GRIK5: variants seen among roughly 807,000 people sequenced by gnomAD.
GRIK5 encodes glutamate ionotropic receptor kainate type subunit 5.
GRIK5 carries 43 observed loss-of-function variants against 97.4 expected under a neutral mutation model. The observed-to-expected ratio is 0.44, with a 90% confidence interval of 0.35 to 0.57. The LOEUF (loss-of-function observed/expected upper bound fraction) is 0.57, where lower values mean the gene tolerates loss of function less well. Ranked by LOEUF, GRIK5 falls within the 20% of genes least tolerant of loss-of-function variation. The probability of loss-of-function intolerance (pLI) is 0.01; values close to 1 mark genes in which losing one functional copy is unlikely to be tolerated. For synonymous variants in GRIK5, 580 were observed against 583.5 expected (o/e 0.99, Z 0.09); for missense variants, 1,015 against 1,382.0 (o/e 0.73, Z 4.21).
rs545562762 is a variant in GRIK5 at position 42,030,175 on chromosome 19, T to A, written c.1474-7821A>T. On this transcript the variant is annotated intron_variant, in intron 12 of 19. Coordinates refer to ENST00000593562, the MANE Select transcript of GRIK5 (RefSeq NM_002088.5). ...TCAAGTAAATGGAGCTGGGTTTTGTTTTGTTTTTATTTTTGTTTTTGTTTT... is the reference window on the plus strand; with the variant it reads ...TCAAGTAAATGGAGCTGGGTTTTGTATTGTTTTTATTTTTGTTTTTGTTTT... Among the ~76,000 whole-genome samples the A allele has an allele frequency of 2.0e-5, 3 of 152,262 alleles. No homozygotes were observed. In the East Asian group the frequency reaches 5.8e-4, roughly 29 times the overall value.
At position 42,003,627 on chromosome 19, in the gene GRIK5, G is replaced by A. The variant is rs1371901799; in HGVS notation, c.2320C>T (p.Arg774Trp). 4 of 1,613,624 alleles carry A rather than the reference G, an allele frequency of 2.5e-6. No individual in the cohort carries two copies. Among genetic ancestry groups the A allele is most frequent in the Non-Finnish European group, 2.5e-6 (3 of 1,179,834 alleles). The change falls in exon 18 of 20, where the codon CGG becomes TGG. Residue 774 changes from arginine (R) to tryptophan (W), a missense_variant. Physicochemically the swap from Arg to Trp is moderately radical, Grantham distance 101. Transcript: ENST00000593562. The surrounding 1 kb of genome is among the most constrained non-coding windows in gnomAD (Gnocchi z 4.2). ...CACTTGCGCTTCAGGATCTCCAGCC[G>A]GTTGTTCTCCTGAAGCTGCAGGATG... ...LAILQLQENN[R>W]LEILKRKWWE... is the part of the protein sequence containing the mutation.
At chr19:42,053,025 C>A (rs1039914933) in intron 11 of GRIK5, among the ~76,000 whole-genome samples, 9 of 152,200 alleles carry the variant, frequency 5.9e-5, no homozygotes, top group African/African-American at 2.2e-4. Context: ...AAATACTTGA[C>A]ATACAAAGGC....
intron 11 of GRIK5, among the ~76,000 whole-genome samples, chr19:42,048,815 G>A (rs2146125627): frequency 6.6e-6 from 1 of 152,146 alleles, no homozygotes; most frequent in African/African-American, 2.4e-5. Context: ...AAGGTGGGTG[G>A]ATCCCTTGAG....
chr19:42,024,023 C>CTTTCCT, intron 12 of GRIK5, among the ~76,000 whole-genome samples: 1 of 152,304 alleles, frequency 6.6e-6, no homozygotes, highest in Non-Finnish European at 1.5e-5. Flanking sequence ...TGTGCTCCAG[C>CTTTCCT]CATGATGGCC....
In GRIK5 at chr19:42,022,375, C is replaced by A. The variant is rs776083078; in HGVS notation, c.1474-21G>T. The A allele has an allele frequency of 6.6e-5, 105 of 1,598,662 alleles. No homozygotes were observed. The highest frequency in any genetic ancestry group is 8.7e-5 in the Non-Finnish European group (102 of 1,168,002). The stretch of plus-strand genomic sequence containing the variant: ...GCCTTCTGCTGGAGGGGAAGCCGGG[C>A]AGGGGTGGAGGGGGACAGAGGGGAA... On this transcript the variant is annotated intron_variant, in intron 12 of 19. Coordinates refer to ENST00000593562, the MANE Select transcript of GRIK5 (RefSeq NM_002088.5). This position sits in a 1 kb window ranked among gnomAD's most constrained non-coding sequence, Gnocchi z 4.2.
At chr19:42,057,824 A>C (rs1392736738) in intron 6 of GRIK5, among the ~76,000 whole-genome samples, 1 of 152,256 alleles carries the variant, frequency 6.6e-6, no homozygotes, top group Non-Finnish European at 1.5e-5. Flanking sequence ...GTCAAGATTC[A>C]TTCTTGAGAC....
Position 42,003,305 on chromosome 19 carries a change from G to GGGCCCCCCCCCC in GRIK5, c.2514+26_2514+27insGGGGGGGGGGCC. ...TCAGCCCCTGGGGGTCCCTGTTCCT[G>GGGCCCCCCCCCC]CCCACCCCCACCCCCAGCCTCCTCA... On this transcript the variant is annotated intron_variant, in intron 19 of 19. Coordinates refer to ENST00000593562, the MANE Select transcript of GRIK5 (RefSeq NM_002088.5). This position sits in a 1 kb window ranked among gnomAD's most constrained non-coding sequence, Gnocchi z 4.2. 13 of 1,540,726 alleles carry GGGCCCCCCCCCC rather than the reference G, an allele frequency of 8.4e-6. No homozygotes were observed. Among genetic ancestry groups the GGGCCCCCCCCCC allele is most frequent in the Non-Finnish European group, 1.1e-5 (12 of 1,118,188 alleles).
chr19:42,050,531 G>A (rs535292952), intron 11 of GRIK5, among the ~76,000 whole-genome samples: 24 of 151,906 alleles, frequency 1.6e-4, no homozygotes, highest in African/African-American at 5.6e-4. Flanking sequence ...GGTGACGGGC[G>A]CCTGTAGTCC....
In GRIK5 at chr19:42,022,094, G is replaced by T; in HGVS notation, c.1588-38C>A. ...GGAGTGAGACCCGGAGACACCCCTG[G>T]CCTGAGCCTCACACCCAGCCCCTGC... On this transcript the variant is annotated intron_variant, in intron 13 of 19. Coordinates refer to ENST00000593562, the MANE Select transcript of GRIK5 (RefSeq NM_002088.5). The surrounding 1 kb of genome is among the most constrained non-coding windows in gnomAD (Gnocchi z 4.2). 2.7e-6 allele frequency: 4 copies of T among 1,504,718 alleles called. No individual in the cohort carries two copies. Among genetic ancestry groups the T allele is most frequent in the Non-Finnish European group, 3.7e-6 (4 of 1,088,430 alleles). 93.2% of individuals were successfully genotyped at this position (1,504,718 alleles called of 1,614,324 possible). A position where few individuals can be genotyped will look rare whatever the true frequency, so the allele number is the denominator to read the frequency against.
At chr19:42,043,033 C>T (rs1599810966) in intron 11 of GRIK5, 1 of 507,774 alleles carries the variant, frequency 2.0e-6, no homozygotes, top group East Asian at 3.4e-5. Flanking sequence ...AGCTCAAATG[C>T]GTATGAGGGA....
chr19:42,061,290 CGCCTCGGCCTCCCAAAGTGCTGGG>C (rs2076256272), intron 5 of GRIK5, among the ~76,000 whole-genome samples: 4 of 152,178 alleles, frequency 2.6e-5, no homozygotes, highest in Admixed American at 2.0e-4. Flanking sequence ...ATGATTCGCC[CGCCTCGGCCTCCCAAAGTGCTGGG>C]ATTACAGGCG....
At position 41,999,293 on chromosome 19, in the gene GRIK5, C is replaced by A. The variant is rs963139581; in HGVS notation, c.2521G>T (p.Val841Leu). ...RRSAESEEVS[V>L]CQEMLQELRH... is the part of the protein sequence containing the mutation. ...AGCTCCTGCAGCATCTCCTGGCACA[C>A]CGACACCTGGGGGTGGCGCGGGCGG... The change falls in exon 20 of 20, where the codon GTG becomes TTG. Residue 841 changes from valine to leucine, a missense_variant. Val to Leu is a conservative substitution (Grantham distance 32, BLOSUM62 1). Transcript: ENST00000593562. This position sits in a 1 kb window ranked among gnomAD's most constrained non-coding sequence, Gnocchi z 5.0. 1 of 1,518,086 alleles carries A rather than the reference C, an allele frequency of 6.6e-7. No homozygotes were observed. The highest frequency in any genetic ancestry group is 8.8e-7 in the Non-Finnish European group (1 of 1,139,878). 94.0% of individuals were successfully genotyped at this position (1,518,086 alleles called of 1,614,324 possible).
chr19:42,003,275 G>C lies in GRIK5; in HGVS notation c.2514+57C>G. On this transcript the variant is annotated intron_variant, in intron 19 of 19. Coordinates refer to ENST00000593562, the MANE Select transcript of GRIK5 (RefSeq NM_002088.5). This position sits in a 1 kb window ranked among gnomAD's most constrained non-coding sequence, Gnocchi z 4.2. Reference sequence around the variant, plus strand: ...TGGCTCCCAATGCCACAATCTTCACGCACCTCAGCCCCTGGGGGTCCCTGT... The same window carrying C: ...TGGCTCCCAATGCCACAATCTTCACCCACCTCAGCCCCTGGGGGTCCCTGT... 1 of 1,535,168 alleles carries C rather than the reference G, an allele frequency of 6.5e-7. No homozygotes were observed. The highest frequency in any genetic ancestry group is 1.1e-5 in the South Asian group (1 of 87,068).
Position 42,062,470 on chromosome 19 carries a change from C to T in GRIK5, c.508+18G>A. The T allele has an allele frequency of 6.2e-7, 1 of 1,613,376 alleles. No individual in the cohort carries two copies. On this transcript the variant is annotated intron_variant, in intron 5 of 19. Transcript: ENST00000593562. The surrounding 1 kb of genome is among the most constrained non-coding windows in gnomAD (Gnocchi z 5.3). ...GTGTCTGGGGGAACAGAAAACAAAA[C>T]ATTCAGTTCTCCCTCACACTCAGCC...
Position 42,017,930 on chromosome 19 carries a change from G to T in GRIK5, c.1871+3371C>A, listed in dbSNP as rs1263004479. 5.3e-5 allele frequency among the ~76,000 whole-genome samples: 8 copies of T among 152,226 alleles called. No individual in the cohort carries two copies. In the East Asian group the frequency reaches 1.3e-3, roughly 26 times the overall value. ...TGAAAGCAGGAAGGGCTCAGAGAAT[G>T]GAAACAGGGAGGTCAGAGGACTCAT... On this transcript the variant is annotated intron_variant, in intron 15 of 19. Coordinates refer to ENST00000593562, the MANE Select transcript of GRIK5 (RefSeq NM_002088.5).
rs2075985134 is a variant in GRIK5 at position 42,042,171 on chromosome 19, C to T, written c.1473+381G>A. Among the ~76,000 whole-genome samples, 1 of 152,210 alleles carries T rather than the reference C, an allele frequency of 6.6e-6. No individual in the cohort carries two copies. Among genetic ancestry groups the T allele is most frequent in the Admixed American group, 6.5e-5 (1 of 15,282 alleles). ...GGGCATAGCACACAGGTGAGGTGTGCTCCCTGCTCTCAGCCCTGCCTCCTG... is the reference window on the plus strand; with the variant it reads ...GGGCATAGCACACAGGTGAGGTGTGTTCCCTGCTCTCAGCCCTGCCTCCTG... On this transcript the variant is annotated intron_variant, in intron 12 of 19. Coordinates refer to ENST00000593562, the MANE Select transcript of GRIK5 (RefSeq NM_002088.5). This position sits in a 1 kb window ranked among gnomAD's most constrained non-coding sequence, Gnocchi z 6.9.
rs1210006078 is a variant in GRIK5 at position 42,069,289 on chromosome 19, A to T, written c.-99T>A. Reference sequence around the variant, plus strand: ...GGGCTCCCTCGAGGCCCGAAGACCGACAGCGGGAGGTGCTCTGGCGCTGGG... The same window carrying T: ...GGGCTCCCTCGAGGCCCGAAGACCGTCAGCGGGAGGTGCTCTGGCGCTGGG... On this transcript the variant is annotated 5_prime_UTR_variant, in exon 1 of 20. Coordinates refer to ENST00000593562, the MANE Select transcript of GRIK5 (RefSeq NM_002088.5). 2.2e-5 allele frequency: 4 copies of T among 178,468 alleles called. No individual in the cohort carries two copies. Among genetic ancestry groups the T allele is most frequent in the African/African-American group, 9.5e-5 (4 of 42,252 alleles). The allele number at this position is 178,468 out of a possible 1,614,324, so 11.1% of individuals were successfully genotyped here.
Position 42,003,776 on chromosome 19 carries a change from C to A in GRIK5, c.2264-93G>T. 7.3e-7 allele frequency: 1 copy of A among 1,373,502 alleles called. No individual in the cohort carries two copies. The highest frequency in any genetic ancestry group is 1.5e-5 in the South Asian group (1 of 66,954). The allele number at this position is 1,373,502 out of a possible 1,614,324, so 85.1% of individuals were successfully genotyped here. A position where few individuals can be genotyped will look rare whatever the true frequency, so the allele number is the denominator to read the frequency against. On this transcript the variant is annotated intron_variant, in intron 17 of 19. Coordinates refer to ENST00000593562, the MANE Select transcript of GRIK5 (RefSeq NM_002088.5). The surrounding 1 kb of genome is among the most constrained non-coding windows in gnomAD (Gnocchi z 4.2). ...ACTGTGCCCTCACCACGGCCTTCCC[C>A]CGCCTCTACCACGTGCCCAGGGTCT...
In GRIK5 at chr19:42,002,587, G is replaced by C. The variant is rs548584253; in HGVS notation, c.2514+745C>G. On this transcript the variant is annotated intron_variant, in intron 19 of 19. Coordinates refer to ENST00000593562, the MANE Select transcript of GRIK5 (RefSeq NM_002088.5). This position sits in a 1 kb window ranked among gnomAD's most constrained non-coding sequence, Gnocchi z 5.2. ...AAGGTCAGCCGCTGGATGTGAGGAG[G>C]GGGAGGAAGGGCTGGAGGCTGACAG... 5.7e-5 allele frequency: 37 copies of C among 644,140 alleles called. No individual in the cohort carries two copies. Among genetic ancestry groups the C allele is most frequent in the African/African-American group, 3.1e-4 (17 of 55,238 alleles). 39.9% of individuals were successfully genotyped at this position (644,140 alleles called of 1,614,324 possible).
Sources: allele counts gnomAD v4.1 joint callset (sites outside exome capture counted in the v4.1 genomes callset), GRCh38; gene constraint gnomAD v4.1.1; non-coding constraint Gnocchi (gnomAD v3.1); transcripts MANE v1.5; gene names NCBI Gene and HGNC (gene_info 2026-07-23, HGNC 2026-07-21).